The following SLC27A2 variants were observed in gnomAD, a reference collection of about 807,000 sequenced individuals.
SLC27A2 encodes long-chain fatty acid transport protein 2.
Under a neutral mutation model 60.0 loss-of-function variants are expected in SLC27A2, and 54 were observed. The ratio of observed to expected loss-of-function variants is 0.90; its 90% CI spans 0.72 to 1.13. SLC27A2 has a LOEUF of 1.13. SLC27A2 is among the 50% of genes most tolerant of loss of function. The pLI, the probability that SLC27A2 is intolerant of heterozygous loss-of-function variation, is 0.00. For synonymous variants in SLC27A2, 297 were observed against 297.6 expected, an observed-to-expected ratio of 1.00 and a Z score of 0.02; for missense variants, 739 against 777.6, an observed-to-expected ratio of 0.95 and a Z score of 0.59.
chr15:50,183,179 T>C (rs1315322542), intron 1 of SLC27A2, among the ~76,000 whole-genome samples: 4 of 152,236 alleles, frequency 2.6e-5, no homozygotes. Context: ...AGGACTTTTA[T>C]AGATGAGACC....
At chr15:50,208,293 C>T (rs921854724) in intron 4 of SLC27A2, among the ~76,000 whole-genome samples, 4 of 152,210 alleles carry the variant, frequency 2.6e-5, no homozygotes, top group Admixed American at 2.6e-4. Context: ...AGAATGCTTC[C>T]AGCCCTGCTC....
chr15:50,223,185 T>C (rs761940573), intron 5 of SLC27A2, 26 bp downstream of exon 5: 30 of 1,548,388 alleles, frequency 1.9e-5, no homozygotes, highest in Non-Finnish European at 2.6e-5. Flanking sequence ...AATGAGAGCA[T>C]ACGTAGCCAG....
chr15:50,182,952 C>T, intron 1 of SLC27A2, 47 bp downstream of exon 1: 1 of 1,538,614 alleles, frequency 6.5e-7, no homozygotes, highest in Non-Finnish European at 8.7e-7. Flanking sequence ...CTTCTCGGCG[C>T]CTTGACTGAC....
At chr15:50,221,691 C>T (rs759835145) in intron 4 of SLC27A2, among the ~76,000 whole-genome samples, 57 of 152,174 alleles carry the variant, frequency 3.7e-4, no homozygotes, top group Non-Finnish European at 7.5e-4. Flanking sequence ...AAGAAATTAA[C>T]AGTTGATGTG....
chr15:50,193,622 T>C (rs996599480), intron 1 of SLC27A2, among the ~76,000 whole-genome samples: 1 of 152,208 alleles, frequency 6.6e-6, no homozygotes, highest in Non-Finnish European at 1.5e-5. Context: ...CATACTTGTA[T>C]CTCAGAAATT....
chr15:50,187,810 T>C (rs2044937154), intron 1 of SLC27A2, among the ~76,000 whole-genome samples: 1 of 152,146 alleles, frequency 6.6e-6, no homozygotes, highest in Non-Finnish European at 1.5e-5. Context: ...AAATATTGCA[T>C]CATTAAAAGC....
At chr15:50,225,604 T>C (rs755237353) in intron 5 of SLC27A2, among the ~76,000 whole-genome samples, 1 of 152,046 alleles carries the variant, frequency 6.6e-6, no homozygotes, top group East Asian at 1.9e-4. Context: ...AACAGGAAAA[T>C]AGATAAATAA....
At chr15:50,217,912 G>A (rs2045211568) in intron 4 of SLC27A2, among the ~76,000 whole-genome samples, 1 of 151,878 alleles carries the variant, frequency 6.6e-6, no homozygotes, top group Non-Finnish European at 1.5e-5. Context: ...AAATTAGCTG[G>A]GCACGGTGGT....
At chr15:50,199,990 T>C (rs2140901021) in intron 2 of SLC27A2, among the ~76,000 whole-genome samples, 1 of 152,378 alleles carries the variant, frequency 6.6e-6, no homozygotes, top group East Asian at 1.9e-4. Flanking sequence ...AGTTGGAGAA[T>C]AAATGTTCCT....
At chr15:50,193,535 G>A (rs1174067804) in intron 1 of SLC27A2, among the ~76,000 whole-genome samples, 2 of 152,190 alleles carry the variant, frequency 1.3e-5, no homozygotes, top group Non-Finnish European at 2.9e-5. Flanking sequence ...AGGAAAGAAA[G>A]GAGATTTCAC....
intron 4 of SLC27A2, among the ~76,000 whole-genome samples, chr15:50,215,351 G>A (rs1260344279): frequency 6.6e-6 from 1 of 152,108 alleles, no homozygotes; most frequent in African/African-American, 2.4e-5. Context: ...CATGCTCATG[G>A]CTGGGTAGAA....
intron 4 of SLC27A2, among the ~76,000 whole-genome samples, chr15:50,219,186 A>G (rs1246449713): frequency 1.3e-5 from 2 of 152,216 alleles, no homozygotes; most frequent in Non-Finnish European, 2.9e-5. Context: ...ACAATAGGAA[A>G]TCTGAAATTG....
intron 5 of SLC27A2, among the ~76,000 whole-genome samples, chr15:50,223,387 T>G (rs1009556963): frequency 6.6e-6 from 1 of 152,214 alleles, no homozygotes; most frequent in African/African-American, 2.4e-5. Context: ...ATTGTGCCCT[T>G]GCCATCTGCA....
chr15:50,204,812 A>G (rs2045097339), intron 3 of SLC27A2, among the ~76,000 whole-genome samples: 1 of 148,112 alleles, frequency 6.8e-6, no homozygotes, highest in Non-Finnish European at 1.5e-5. Flanking sequence ...GTGTGTGTGT[A>G]TATATATAAT....
intron 1 of SLC27A2, among the ~76,000 whole-genome samples, chr15:50,186,796 G>A (rs2044928281): frequency 6.6e-6 from 1 of 152,200 alleles, no homozygotes; most frequent in South Asian, 2.1e-4. Context: ...AATTGCCCAT[G>A]ATCAAGTGGA....
intron 1 of SLC27A2, among the ~76,000 whole-genome samples, chr15:50,190,126 G>A (rs1287564709): frequency 6.6e-6 from 1 of 152,164 alleles, no homozygotes; most frequent in African/African-American, 2.4e-5. Flanking sequence ...GTATTATAAT[G>A]TGCATCATCT....
In SLC27A2 at chr15:50,196,053, C is replaced by CAAAAAAAAAAAAAATAA. The variant is rs1567428267; in HGVS notation, c.479-1433_479-1432insTAAAAAAAAAAAAAAAA. Among the ~76,000 whole-genome samples the CAAAAAAAAAAAAAATAA allele has an allele frequency of 2.2e-3, 4 of 1,822 alleles. 1 individual carries two copies. The highest frequency in any genetic ancestry group is 0.056 in the South Asian group (2 of 36). The allele number at this position is 1,822 out of a possible 152,430, so 1.2% of individuals were successfully genotyped here. On this transcript the variant is annotated intron_variant, in intron 1 of 9. Coordinates refer to ENST00000267842, the MANE Select transcript of SLC27A2 (RefSeq NM_003645.4). ...TGGGCGACAGAGCCAGACTCTGTCT[C>CAAAAAAAAAAAAAATAA]AAAAAAAAAAAAAAAAAAAAAAAAA...
intron 4 of SLC27A2, among the ~76,000 whole-genome samples, chr15:50,211,402 C>T (rs908967915): frequency 2.6e-5 from 4 of 152,122 alleles, no homozygotes; most frequent in South Asian, 2.1e-4. Flanking sequence ...CAGTTCGGCT[C>T]ACAGGAGCCA....
chr15:50,204,023 A>G (rs2045087751), intron 3 of SLC27A2, among the ~76,000 whole-genome samples: 1 of 152,114 alleles, frequency 6.6e-6, no homozygotes, highest in South Asian at 2.1e-4. Flanking sequence ...ACACACACAC[A>G]TACACACACA....
Sources: allele counts gnomAD v4.1 joint callset (sites outside exome capture counted in the v4.1 genomes callset), GRCh38; gene constraint gnomAD v4.1.1; transcripts MANE v1.5; gene names NCBI Gene and HGNC (gene_info 2026-07-23, HGNC 2026-07-21).